The following DLGAP2 variants were observed in gnomAD, a reference collection of about 807,000 sequenced individuals.
The protein encoded by DLGAP2 is disks large-associated protein 2.
In DLGAP2, 26 loss-of-function variants were observed where a neutral mutation model predicts 100.3. The observed-to-expected ratio is 0.26, with a 90% CI of 0.19 to 0.36. DLGAP2 has a LOEUF of 0.36. Ranked by LOEUF, DLGAP2 falls within the 10% of genes least tolerant of loss-of-function variation. The pLI is 1.00. For missense variants in DLGAP2, 1,858 were observed against 1,453.2 expected, an observed-to-expected ratio of 1.28 and a Z score of -4.53; for synonymous variants, 886 against 630.1, an observed-to-expected ratio of 1.41 and a Z score of -6.08.
chr8:942,345 T>G (rs948168566), intron 2 of DLGAP2, among the ~76,000 whole-genome samples: 3 of 152,238 alleles, frequency 2.0e-5, no homozygotes, highest in Non-Finnish European at 2.9e-5. Flanking sequence ...CACACACTTG[T>G]AGTGTTTCTG....
chr8:1,694,459 C>T (rs185531428), intron 13 of DLGAP2, among the ~76,000 whole-genome samples: 1 of 152,278 alleles, frequency 6.6e-6, no homozygotes, highest in African/African-American at 2.4e-5. Flanking sequence ...GGACGGACCG[C>T]GGGGGGCAGA....
chr8:1,027,408 G>T (rs1801832991), intron 2 of DLGAP2, among the ~76,000 whole-genome samples: 1 of 151,498 alleles, frequency 6.6e-6, no homozygotes, highest in South Asian at 2.1e-4. Context: ...TCCAGGTGGG[G>T]TGCTCGGTGC....
chr8:863,697 C>A (rs1563069501), intron 1 of DLGAP2, among the ~76,000 whole-genome samples: 1 of 152,190 alleles, frequency 6.6e-6, no homozygotes, highest in Non-Finnish European at 1.5e-5. Context: ...CCCTGTTCGA[C>A]TGGCTTTCAC....
chr8:908,778 C>G (rs150694330), intron 2 of DLGAP2, among the ~76,000 whole-genome samples: 40 of 152,284 alleles, frequency 2.6e-4, no homozygotes, highest in African/African-American at 8.4e-4. Context: ...TGATTCATTT[C>G]TAAAAGCAAT....
rs149741861 is a variant in DLGAP2 at position 1,527,137 on chromosome 8, C to T, written c.173-21489C>T. 3.3e-5 allele frequency among the ~76,000 whole-genome samples: 5 copies of T among 152,310 alleles called. No homozygotes were observed. The East Asian group carries it at 5.8e-4, about 18-fold the overall frequency. On this transcript the variant is annotated intron_variant, in intron 4 of 14. Transcript: ENST00000637795. ...TCTACACCGCGGGCTCACGTTCACA[C>T]GCCCTATCCAACCCTCTCCTGTGAG...
chr8:1,638,694 A>G (rs1797827016), intron 8 of DLGAP2, among the ~76,000 whole-genome samples: 2 of 152,104 alleles, frequency 1.3e-5, no homozygotes, highest in African/African-American at 4.8e-5. Context: ...GAGGCTTTTA[A>G]GAGGCCTCCT....
chr8:1,639,626 C>T (rs1308911442), intron 8 of DLGAP2, among the ~76,000 whole-genome samples: 1 of 133,252 alleles, frequency 7.5e-6, no homozygotes. Context: ...AAAATGGTCA[C>T]AAGCCCTATG....
intron 2 of DLGAP2, among the ~76,000 whole-genome samples, chr8:1,117,760 C>T (rs957586869): frequency 6.6e-6 from 1 of 152,170 alleles, no homozygotes; most frequent in African/African-American, 2.4e-5. Flanking sequence ...AGGGGGCTCC[C>T]CCAGGAGAGC....
At chr8:1,176,910 C>G (rs1797272111) in intron 2 of DLGAP2, among the ~76,000 whole-genome samples, 1 of 152,116 alleles carries the variant, frequency 6.6e-6, no homozygotes, top group Admixed American at 6.5e-5. Context: ...ACAGGACCTG[C>G]CTTTCATGCC....
intron 2 of DLGAP2, among the ~76,000 whole-genome samples, chr8:1,091,978 T>C (rs2129041703): frequency 6.6e-6 from 1 of 152,182 alleles, no homozygotes; most frequent in East Asian, 1.9e-4. Flanking sequence ...TGCCCCACGT[T>C]TTATTTTCTG....
At chr8:906,584 C>G (rs570519580) in intron 1 of DLGAP2, among the ~76,000 whole-genome samples, 3 of 152,284 alleles carry the variant, frequency 2.0e-5, no homozygotes, top group South Asian at 2.1e-4. Flanking sequence ...AGGAGCTCAT[C>G]AGGGAAACAG....
intron 1 of DLGAP2, among the ~76,000 whole-genome samples, chr8:852,522 A>T (rs1417656443): frequency 6.6e-6 from 1 of 152,094 alleles, no homozygotes; most frequent in East Asian, 1.9e-4. Flanking sequence ...TCTGTGGGTC[A>T]TTTTCCTCTT....
intron 2 of DLGAP2, among the ~76,000 whole-genome samples, chr8:1,135,205 G>T (rs945714205): frequency 6.6e-6 from 1 of 152,196 alleles, no homozygotes; most frequent in South Asian, 2.1e-4. Flanking sequence ...ACATTGTGGG[G>T]TTTTTTGTTT....
At chr8:742,205 G>A (rs1033009935) in intron 1 of DLGAP2, among the ~76,000 whole-genome samples, 5 of 152,056 alleles carry the variant, frequency 3.3e-5, no homozygotes, top group African/African-American at 9.7e-5. Context: ...ATTCATCTTC[G>A]GGTACTGTTT....
chr8:1,238,724 T>A (rs1798721682), intron 2 of DLGAP2, among the ~76,000 whole-genome samples: 1 of 97,592 alleles, frequency 1.0e-5, no homozygotes, highest in African/African-American at 3.9e-5. Context: ...CATGTCTAGT[T>A]CTCTCACATG....
At chr8:826,451 GTT>G (rs1796686697) in intron 1 of DLGAP2, among the ~76,000 whole-genome samples, 1 of 152,052 alleles carries the variant, frequency 6.6e-6, no homozygotes, top group African/African-American at 2.4e-5. Flanking sequence ...TCTTTTTCAG[GTT>G]TTTTGAAGGT....
chr8:1,146,600 C>A (rs1269547792), intron 2 of DLGAP2, among the ~76,000 whole-genome samples: 1 of 151,938 alleles, frequency 6.6e-6, no homozygotes, highest in Non-Finnish European at 1.5e-5. Context: ...TGCACCTGCG[C>A]ATGTGTGTGC....
At chr8:1,174,475 T>TACCATC (rs201598748) in intron 2 of DLGAP2, among the ~76,000 whole-genome samples, 1,658 of 150,664 alleles carry the variant, frequency 0.011, 11 homozygotes, top group Middle Eastern at 0.028. Context: ...TCATTACCAT[T>TACCATC]ACCATCATCA....
intron 3 of DLGAP2, among the ~76,000 whole-genome samples, chr8:1,320,659 G>T (rs188911101): frequency 3.1e-4 from 47 of 152,122 alleles, no homozygotes; most frequent in Non-Finnish European, 5.1e-4. Flanking sequence ...CCCCAAGCAC[G>T]ACATTCTCAC....
Sources: allele counts gnomAD v4.1 joint callset (sites outside exome capture counted in the v4.1 genomes callset), GRCh38; gene constraint gnomAD v4.1.1; transcripts MANE v1.5; gene names NCBI Gene and HGNC (gene_info 2026-07-23, HGNC 2026-07-21).